The following FAM171B variants were observed in gnomAD, a reference collection of about 807,000 sequenced individuals.
FAM171B encodes the protein protein FAM171B.
A neutral mutation model predicts 75.6 loss-of-function variants in FAM171B; 19 were observed. The observed-to-expected ratio is 0.25, with a 90% CI of 0.18 to 0.37. FAM171B has a LOEUF of 0.37. Ranked by LOEUF, FAM171B falls within the 10% of genes least tolerant of loss-of-function variation. The pLI is 1.00. For missense variants in FAM171B, 848 were observed against 982.4 expected (o/e 0.86, Z 1.83); for synonymous variants, 367 against 361.7 (o/e 1.01, Z -0.17).
At chr2:186,703,783 G>A (rs900572276) in intron 1 of FAM171B, among the ~76,000 whole-genome samples, 2 of 151,952 alleles carry the variant, frequency 1.3e-5, no homozygotes, top group African/African-American at 4.8e-5. Context: ...ATTTGCATGA[G>A]TAGGGTTTTT....
intron 1 of FAM171B, among the ~76,000 whole-genome samples, chr2:186,721,716 G>A (rs1436761934): frequency 2.0e-5 from 3 of 151,898 alleles, no homozygotes; most frequent in African/African-American, 7.3e-5. Context: ...TAATTTATTT[G>A]TGTCTCTCTC....
At chr2:186,734,425 C>A (rs77615690) in intron 1 of FAM171B, among the ~76,000 whole-genome samples, 2 of 151,666 alleles carry the variant, frequency 1.3e-5, no homozygotes, top group Non-Finnish European at 2.9e-5. Flanking sequence ...TCTCAAAGAG[C>A]GTGCAGCCCT....
At chr2:186,744,221 CTTGT>C (rs1330801326) in intron 3 of FAM171B, among the ~76,000 whole-genome samples, 6 of 152,074 alleles carry the variant, frequency 3.9e-5, no homozygotes, top group Non-Finnish European at 8.8e-5. Context: ...CAACAATTTG[CTTGT>C]TTGTTTTGTA....
At chr2:186,703,696 T>C (rs186527711) in intron 1 of FAM171B, among the ~76,000 whole-genome samples, 142 of 152,314 alleles carry the variant, frequency 9.3e-4, no homozygotes, top group African/African-American at 3.3e-3. Flanking sequence ...AAAATTAAGA[T>C]GTCAAATTAT....
At chr2:186,736,567 G>GTGTGTGTGGGA (rs55683607) in intron 1 of FAM171B, among the ~76,000 whole-genome samples, 20,248 of 103,788 alleles carry the variant, frequency 0.2, 1,687 homozygotes, top group East Asian at 0.52. Context: ...TGTGTGTGTG[G>GTGTGTGTGGGA]GAGAGAGAGA....
At chr2:186,738,466 C>G (rs568735358) in intron 1 of FAM171B, among the ~76,000 whole-genome samples, 1 of 151,868 alleles carries the variant, frequency 6.6e-6, no homozygotes, top group Non-Finnish European at 1.5e-5. Context: ...GGAGTGCATG[C>G]AGAATAGTCC....
At chr2:186,700,785 G>A (rs143573371) in intron 1 of FAM171B, among the ~76,000 whole-genome samples, 2,598 of 152,040 alleles carry the variant, frequency 0.017, 28 homozygotes, top group Middle Eastern at 0.027. Context: ...ACACTTTTGC[G>A]GTGAAAAATG....
intron 2 of FAM171B, among the ~76,000 whole-genome samples, chr2:186,741,178 G>C (rs1225335884): frequency 1.1e-4 from 17 of 152,042 alleles, no homozygotes; most frequent in Admixed American, 1.1e-3. Flanking sequence ...TTAAATGATA[G>C]ATATATTTTG....
In FAM171B at chr2:186,720,717, G is replaced by C. The variant is rs199887470; in HGVS notation, c.239-19511G>C. ...ATCATGTACAAAAAAAAAAAAAAAA[G>C]AAAAGAAAACAAAACAAAACAAAAA... On this transcript the variant is annotated intron_variant, in intron 1 of 7. Coordinates refer to ENST00000304698, the MANE Select transcript of FAM171B (RefSeq NM_177454.4). Among the ~76,000 whole-genome samples the C allele has an allele frequency of 4.7e-4, 28 of 59,218 alleles. 1 individual carries two copies. Among genetic ancestry groups the C allele is most frequent in the Middle Eastern group, 9.6e-3 (1 of 104 alleles). 38.8% of individuals were successfully genotyped at this position (59,218 alleles called of 152,430 possible).
chr2:186,706,682 TGTG>T (rs1263345947), intron 1 of FAM171B, among the ~76,000 whole-genome samples: 1 of 152,192 alleles, frequency 6.6e-6, no homozygotes, highest in African/African-American at 2.4e-5. Flanking sequence ...CCAGTCCTGT[TGTG>T]GTGATTGTGC....
chr2:186,697,983 C>G (rs1689606109), intron 1 of FAM171B, among the ~76,000 whole-genome samples: 1 of 152,122 alleles, frequency 6.6e-6, no homozygotes, highest in Non-Finnish European at 1.5e-5. Flanking sequence ...AAAATAAAGA[C>G]TAAGGTTGGT....
At chr2:186,758,760 A>G (rs1370056234) in intron 6 of FAM171B, among the ~76,000 whole-genome samples, 3 of 152,124 alleles carry the variant, frequency 2.0e-5, no homozygotes, top group East Asian at 1.9e-4. Context: ...CATACAGTGC[A>G]TAATAATCAT....
chr2:186,728,459 A>G (rs966139110), intron 1 of FAM171B, among the ~76,000 whole-genome samples: 5 of 152,156 alleles, frequency 3.3e-5, no homozygotes, highest in Admixed American at 3.3e-4. Context: ...AAAGTAGGTA[A>G]TCAGTAAACA....
intron 1 of FAM171B, among the ~76,000 whole-genome samples, chr2:186,694,880 C>A (rs1260506881): frequency 6.6e-6 from 1 of 152,016 alleles, no homozygotes; most frequent in Non-Finnish European, 1.5e-5. Flanking sequence ...CCACACACCC[C>A]TTTTCACCAT....
chr2:186,710,837 AAC>A (rs1689800993), intron 1 of FAM171B, among the ~76,000 whole-genome samples: 1 of 152,122 alleles, frequency 6.6e-6, no homozygotes, highest in African/African-American at 2.4e-5. Context: ...ACCAAGATAA[AAC>A]AGTTGTTAAA....
chr2:186,700,036 A>G (rs1689634760), intron 1 of FAM171B, among the ~76,000 whole-genome samples: 1 of 151,268 alleles, frequency 6.6e-6, no homozygotes, highest in Non-Finnish European at 1.5e-5. Context: ...GCTCTGCAGT[A>G]TAATGTCAAG....
rs181761114 is a variant in FAM171B at position 186,762,750 on chromosome 2, C to A, written c.2408C>A (p.Pro803Gln). 116 of 1,613,264 alleles carry A rather than the reference C, an allele frequency of 7.2e-5. 1 individual carries two copies. In the African/African-American group the frequency reaches 1.2e-3, roughly 17 times the overall value. ...TSPTKRRGRPPLAKRDSKTNI... is the reference protein window; with the variant it reads ...TSPTKRRGRPQLAKRDSKTNI... ...CCCACTAAAAGAAGGGGCAGACCAC[C>A]ACTAGCCAAAAGAGATAGCAAGACT... The change falls in exon 8 of 8, where the codon CCA (proline) becomes CAA (glutamine). Residue 803 changes from proline (P) to glutamine (Q), a missense_variant. By Grantham distance (76) the Pro-to-Gln change is moderately conservative. Coordinates refer to ENST00000304698, the MANE Select transcript of FAM171B (RefSeq NM_177454.4). This position sits in a 1 kb window ranked among gnomAD's most constrained non-coding sequence, Gnocchi z 4.0.
At chr2:186,743,266 T>C (rs1259957738) in intron 2 of FAM171B, among the ~76,000 whole-genome samples, 2 of 152,160 alleles carry the variant, frequency 1.3e-5, no homozygotes, top group African/African-American at 4.8e-5. Context: ...GTAAAATAAA[T>C]AGTGATAACC....
intron 6 of FAM171B, among the ~76,000 whole-genome samples, chr2:186,758,153 G>A (rs1690559825): frequency 6.6e-6 from 1 of 152,114 alleles, no homozygotes; most frequent in Admixed American, 6.6e-5. Flanking sequence ...GCCAAGGACT[G>A]GTGTCAGTGT....
Sources: gnomAD v4.1 joint callset for allele counts (sites outside exome capture counted in the v4.1 genomes callset) on GRCh38, gnomAD v4.1.1 for gene constraint, Gnocchi (gnomAD v3.1) non-coding constraint, MANE v1.5 for transcripts, NCBI Gene and HGNC (gene_info 2026-07-23, HGNC 2026-07-21) for gene names.